Variants in TENM3 observed in about 807,000 individuals in gnomAD.
TENM3 encodes teneurin-3.
Under a neutral mutation model 255.1 loss-of-function variants are expected in TENM3, and 63 were observed. The ratio of observed to expected loss-of-function variants is 0.25; its 90% CI spans 0.20 to 0.30. The LOEUF (loss-of-function observed/expected upper bound fraction) is 0.30. Among genes scored for constraint, TENM3 ranks in the 10% least tolerant of loss-of-function variants. The pLI, the probability that TENM3 is intolerant of heterozygous loss-of-function variation, is 1.00. For missense variants in TENM3, 2,929 were observed against 3,461.1 expected (o/e 0.85, Z 3.86); for synonymous variants, 1,306 against 1,322.3 (o/e 0.99, Z 0.27).
chr4:182,445,550 A>G (rs1416176246), intron 3 of TENM3, among the ~76,000 whole-genome samples: 1 of 152,130 alleles, frequency 6.6e-6, no homozygotes, highest in Non-Finnish European at 1.5e-5. Context: ...GGTCAGAAGC[A>G]TTCTTAATAT....
the TENM3 span, among the ~76,000 whole-genome samples, chr4:181,588,181 C>A: frequency 2.0e-5 from 3 of 152,174 alleles, no homozygotes; most frequent in African/African-American, 7.2e-5. Context: ...CTCGCAGTCC[C>A]GCAAGAATGC....
the TENM3 span, among the ~76,000 whole-genome samples, chr4:182,007,083 G>C: frequency 6.6e-6 from 1 of 152,144 alleles, no homozygotes; most frequent in Non-Finnish European, 1.5e-5. Flanking sequence ...TTGCACTGTG[G>C]TTTGGGAGAC....
chr4:181,545,882 G>A, the TENM3 span, among the ~76,000 whole-genome samples: 2 of 151,920 alleles, frequency 1.3e-5, no homozygotes, highest in African/African-American at 2.4e-5. Flanking sequence ...TATTTTTCAC[G>A]TGTCTGCAGC....
At chr4:181,642,127 G>A in the TENM3 span, among the ~76,000 whole-genome samples, 1 of 151,862 alleles carries the variant, frequency 6.6e-6, no homozygotes, top group Non-Finnish European at 1.5e-5. Context: ...ATCCTCTCCA[G>A]CACCTCTTGT....
chr4:182,364,392 C>G (rs947188182), intron 3 of TENM3, among the ~76,000 whole-genome samples: 2 of 151,986 alleles, frequency 1.3e-5, no homozygotes, highest in African/African-American at 4.8e-5. Context: ...AACATTGCAA[C>G]TTCAGTTGTT....
the TENM3 span, among the ~76,000 whole-genome samples, chr4:181,570,644 G>A: frequency 2.1e-5 from 3 of 141,182 alleles, no homozygotes; most frequent in Non-Finnish European, 4.6e-5. Flanking sequence ...AAGAGAGAGA[G>A]AGAAAGAAGG....
chr4:182,048,698 A>G, the TENM3 span, among the ~76,000 whole-genome samples: 1 of 152,190 alleles, frequency 6.6e-6, no homozygotes, highest in Non-Finnish European at 1.5e-5. Context: ...AATCCCTCTC[A>G]GACACTGTTT....
the TENM3 span, among the ~76,000 whole-genome samples, chr4:181,806,886 G>T: frequency 6.6e-6 from 1 of 152,288 alleles, no homozygotes; most frequent in East Asian, 1.9e-4. Flanking sequence ...ATTTGTAACT[G>T]ATTCATTTTT....
the TENM3 span, among the ~76,000 whole-genome samples, chr4:181,847,821 A>T: frequency 6.6e-6 from 1 of 152,090 alleles, no homozygotes; most frequent in Admixed American, 6.6e-5. Context: ...TCTTTTAAAG[A>T]TTATTTATAA....
At chr4:181,742,296 C>T in the TENM3 span, among the ~76,000 whole-genome samples, 2 of 152,100 alleles carry the variant, frequency 1.3e-5, no homozygotes, top group East Asian at 1.9e-4. Flanking sequence ...AAAAAAAATA[C>T]AGAAATTTAC....
At chr4:182,089,734 G>A in the TENM3 span, among the ~76,000 whole-genome samples, 1 of 152,068 alleles carries the variant, frequency 6.6e-6, no homozygotes, top group Non-Finnish European at 1.5e-5. Context: ...AACAATATTT[G>A]CCTAATTTAT....
the TENM3 span, among the ~76,000 whole-genome samples, chr4:181,591,273 T>A: frequency 6.6e-6 from 1 of 152,260 alleles, no homozygotes; most frequent in South Asian, 2.1e-4. Context: ...ACATGACTGA[T>A]GGGAATGTAA....
At chr4:181,487,760 A>G in the TENM3 span, among the ~76,000 whole-genome samples, 704 of 152,262 alleles carry the variant, frequency 4.6e-3, 1 homozygote, top group African/African-American at 0.016. Flanking sequence ...CAGGGTCCAG[A>G]AAAGCATATC....
chr4:182,105,142 A>T, the TENM3 span, among the ~76,000 whole-genome samples: 1 of 152,122 alleles, frequency 6.6e-6, no homozygotes, highest in East Asian at 1.9e-4. Context: ...GAGTCCAGGA[A>T]GTCCAGGCTA....
chr4:181,508,898 T>A, the TENM3 span, among the ~76,000 whole-genome samples: 2 of 143,180 alleles, frequency 1.4e-5, no homozygotes, highest in Non-Finnish European at 3.0e-5. Context: ...AACACTTTTT[T>A]TTTTTTTTTT....
intron 3 of TENM3, among the ~76,000 whole-genome samples, chr4:182,468,471 A>G (rs946770684): frequency 2.6e-5 from 4 of 152,198 alleles, no homozygotes; most frequent in Non-Finnish European, 4.4e-5. Flanking sequence ...CAGACGCCTC[A>G]AAGACCTTCA....
intron 1 of TENM3, among the ~76,000 whole-genome samples, chr4:182,314,108 C>G (rs537589964): frequency 6.6e-6 from 1 of 151,978 alleles, no homozygotes; most frequent in Non-Finnish European, 1.5e-5. Context: ...GTCAGGAGAT[C>G]GAGACCATGA....
chr4:182,800,248 G>C lies in TENM3; in HGVS notation c.7997G>C (p.Gly2666Ala). The C allele has an allele frequency of 6.3e-7, 1 of 1,593,992 alleles. No individual in the cohort carries two copies. The highest frequency in any genetic ancestry group is 8.5e-7 in the Non-Finnish European group (1 of 1,178,284). ...RQLLSAGKVQGYDGYYVLSVE... is the reference protein window; with the variant it reads ...RQLLSAGKVQAYDGYYVLSVE... ...CTGCTGAGCGCCGGCAAGGTGCAGG[G>C]CTACGACGGGTACTACGTACTCTCG... Residue 2666 changes from glycine to alanine, a missense_variant, in exon 28 of 28, where the codon GGC becomes GCC. By Grantham distance (60) the Gly-to-Ala change is moderately conservative. This residue lies in a region of TENM3 where 476 missense variants were observed against 480.1 expected (regional missense o/e 0.99). Coordinates refer to ENST00000511685, the MANE Select transcript of TENM3 (RefSeq NM_001080477.4).
chr4:181,717,239 C>A, the TENM3 span, among the ~76,000 whole-genome samples: 6 of 152,118 alleles, frequency 3.9e-5, no homozygotes, highest in Non-Finnish European at 7.4e-5. Flanking sequence ...TGTGGATGCA[C>A]AATTATTGGC....
Sources: gnomAD v4.1 joint callset for allele counts (sites outside exome capture counted in the v4.1 genomes callset) on GRCh38, gnomAD v4.1.1 for gene constraint, gnomAD v4.1.1 regional missense constraint, MANE v1.5 for transcripts, NCBI Gene and HGNC (gene_info 2026-07-23, HGNC 2026-07-21) for gene names.